BRWD3: variants seen among roughly 807,000 people sequenced by gnomAD.
The protein encoded by BRWD3 is bromodomain and WD repeat-containing protein 3.
BRWD3 carries 10 observed loss-of-function variants against 149.7 expected under a neutral mutation model. The ratio of observed to expected loss-of-function variants is 0.07; its 90% CI spans 0.04 to 0.11. The LOEUF (loss-of-function observed/expected upper bound fraction) is 0.11, where lower values mean the gene tolerates loss of function less well. Ranked by LOEUF, BRWD3 falls within the 10% of genes least tolerant of loss-of-function variation. The probability of loss-of-function intolerance (pLI) is 1.00; values close to 1 mark genes in which losing one functional copy is unlikely to be tolerated. For synonymous variants in BRWD3, 504 were observed against 456.7 expected, an observed-to-expected ratio of 1.10 and a Z score of -1.32; for missense variants, 940 against 1,373.2, an observed-to-expected ratio of 0.68 and a Z score of 4.99.
intron 6 of BRWD3, among the ~76,000 whole-genome samples, chrX:80,769,286 T>C (rs1480723244): frequency 9.0e-6 from 1 of 111,626 alleles, no homozygotes; most frequent in Admixed American, 9.6e-5. Flanking sequence ...CAACAGAATA[T>C]ACATTCTTCT....
At chrX:80,689,047 A>G (rs373703816) in intron 33 of BRWD3, among the ~76,000 whole-genome samples, 2 of 111,517 alleles carry the variant, frequency 1.8e-5, no homozygotes, top group South Asian at 3.7e-4. Flanking sequence ...GGTATAAATA[A>G]TATAAACATG....
intron 6 of BRWD3, among the ~76,000 whole-genome samples, chrX:80,785,556 T>G (rs918485423): frequency 2.7e-5 from 3 of 111,831 alleles, no homozygotes; most frequent in African/African-American, 9.7e-5. Flanking sequence ...ACGGAAACAT[T>G]TGAATAAATA....
At chrX:80,746,777 G>T in intron 6 of BRWD3, 2 of 604,798 alleles carry the variant, frequency 3.3e-6, no homozygotes, top group Non-Finnish European at 4.0e-6. Context: ...AGTATGATTA[G>T]AACCATGCCA....
intron 6 of BRWD3, among the ~76,000 whole-genome samples, chrX:80,771,945 G>A (rs764825001): frequency 1.5e-3 from 162 of 111,439 alleles, no homozygotes; most frequent in African/African-American, 5.1e-3. Context: ...TTAGAATGGC[G>A]ATCATTAATA....
intron 20 of BRWD3, among the ~76,000 whole-genome samples, chrX:80,714,803 T>C (rs2073052139): frequency 8.9e-6 from 1 of 112,252 alleles, no homozygotes. Flanking sequence ...CCATTGAGGA[T>C]TATTTCTACT....
intron 8 of BRWD3, among the ~76,000 whole-genome samples, chrX:80,741,053 A>T (rs1041225897): frequency 1.0e-4 from 11 of 109,785 alleles, no homozygotes; most frequent in African/African-American, 3.7e-4. Context: ...ACTGCTATCC[A>T]TCCCCCCTCC....
At chrX:80,807,332 C>T (rs1379474779) in intron 4 of BRWD3, among the ~76,000 whole-genome samples, 2 of 111,778 alleles carry the variant, frequency 1.8e-5, no homozygotes, top group Non-Finnish European at 3.8e-5. Flanking sequence ...ACTATACAGT[C>T]GGTAGACTTG....
chrX:80,745,831 T>C (rs2073585204), intron 6 of BRWD3, 102 bp from the exon 7 acceptor site: 2 of 779,144 alleles, frequency 2.6e-6, no homozygotes, highest in South Asian at 2.3e-5. Context: ...ACATATATTA[T>C]AGCAATTCTG....
intron 6 of BRWD3, 128 bp from the exon 7 acceptor site, chrX:80,745,857 A>G: frequency 1.7e-6 from 1 of 604,731 alleles, no homozygotes; most frequent in Non-Finnish European, 2.7e-6. Flanking sequence ...TGAGAAGTCT[A>G]AATTCCCTTA....
intron 4 of BRWD3, among the ~76,000 whole-genome samples, chrX:80,801,307 G>A (rs999859459): frequency 2.4e-5 from 2 of 84,791 alleles, no homozygotes; most frequent in African/African-American, 4.7e-5. Flanking sequence ...TGCAACCTCC[G>A]CCCTCCAAAT....
At chrX:80,800,699 CTG>C (rs1569292728) in intron 4 of BRWD3, among the ~76,000 whole-genome samples, 1 of 109,759 alleles carries the variant, frequency 9.1e-6, no homozygotes, top group East Asian at 2.8e-4. Context: ...AAATCAAATG[CTG>C]TGTTTTAATG....
intron 4 of BRWD3, among the ~76,000 whole-genome samples, chrX:80,795,547 T>C (rs1379317656): frequency 6.4e-5 from 7 of 108,824 alleles, no homozygotes; most frequent in Non-Finnish European, 7.6e-5. Context: ...ATATATGCCA[T>C]TGAATAGGAC....
At position 80,689,941 on chromosome X, in the gene BRWD3, C is replaced by A. The variant is rs1435870992; in HGVS notation, c.3728+26G>T. 3.3e-6 allele frequency: 4 copies of A among 1,204,919 alleles called. No individual in the cohort carries two copies. The Admixed American group carries it at 8.7e-5, about 26-fold the overall frequency. On this transcript the variant is annotated intron_variant, in intron 32 of 40. Coordinates refer to ENST00000373275, the MANE Select transcript of BRWD3 (RefSeq NM_153252.5). ...TTTTTTAAAAACCTTAAGTTAGACT[C>A]TCTGGAAGCTAAAACTGCTTCTTAC...
At chrX:80,788,300 C>A (rs988211260) in intron 6 of BRWD3, among the ~76,000 whole-genome samples, 8 of 109,204 alleles carry the variant, frequency 7.3e-5, no homozygotes, top group Non-Finnish European at 9.5e-5. Context: ...GGGGAGGAGA[C>A]AACTGCACAT....
In BRWD3 at chrX:80,809,736, A is replaced by G. The variant is rs1340990520; in HGVS notation, c.-265T>C. On this transcript the variant is annotated 5_prime_UTR_variant, in exon 1 of 41. Coordinates refer to ENST00000373275, the MANE Select transcript of BRWD3 (RefSeq NM_153252.5). Reference sequence around the variant, plus strand: ...GTGAGTGAGTGAGAGAGAGAGAGAGAAGAGAGAGAGAGAGAGAGGAAAAAG... The same window carrying G: ...GTGAGTGAGTGAGAGAGAGAGAGAGGAGAGAGAGAGAGAGAGAGGAAAAAG... The G allele has an allele frequency of 3.2e-5, 5 of 154,996 alleles. No individual in the cohort carries two copies. Among genetic ancestry groups the G allele is most frequent in the Non-Finnish European group, 4.4e-5 (4 of 90,783 alleles). The allele number at this position is 154,996 out of a possible 1,213,427, so 12.8% of individuals were successfully genotyped here.
intron 6 of BRWD3, among the ~76,000 whole-genome samples, chrX:80,787,474 T>C (rs2074120978): frequency 9.1e-6 from 1 of 109,589 alleles, no homozygotes; most frequent in South Asian, 3.8e-4. Flanking sequence ...GACTCATACA[T>C]ACATGGTTAA....
At chrX:80,732,650 A>G (rs1473977475) in intron 12 of BRWD3, among the ~76,000 whole-genome samples, 1 of 111,564 alleles carries the variant, frequency 9.0e-6, no homozygotes, top group African/African-American at 3.3e-5. Flanking sequence ...GATGTGAGGA[A>G]AAGTATAAGC....
intron 12 of BRWD3, among the ~76,000 whole-genome samples, chrX:80,732,861 C>T (rs757935831): frequency 1.4e-4 from 16 of 111,695 alleles, no homozygotes; most frequent in African/African-American, 4.9e-4. Flanking sequence ...CAATGTTGGC[C>T]GGGCATGGTG....
chrX:80,760,678 T>C (rs895133042), intron 6 of BRWD3, among the ~76,000 whole-genome samples: 2 of 112,021 alleles, frequency 1.8e-5, no homozygotes, highest in Non-Finnish European at 3.8e-5. Context: ...TAGTCTTCAA[T>C]AATAGATTTG....
Sources: gnomAD v4.1 joint callset for allele counts (sites outside exome capture counted in the v4.1 genomes callset) on GRCh38, gnomAD v4.1.1 for gene constraint, MANE v1.5 for transcripts, NCBI Gene and HGNC (gene_info 2026-07-23, HGNC 2026-07-21) for gene names.